PRKX: variants seen among roughly 807,000 people sequenced by gnomAD.
PRKX encodes the protein cAMP-dependent protein kinase catalytic subunit PRKX.
A neutral mutation model predicts 22.0 loss-of-function variants in PRKX; 12 were observed. That is an observed-to-expected ratio of 0.54 (90% confidence interval 0.35 to 0.88). The LOEUF is 0.88. PRKX is among the 40% of genes least tolerant of loss of function. The pLI is 0.01. For missense variants in PRKX, 217 were observed against 308.0 expected (o/e 0.70, Z 2.21); for synonymous variants, 134 against 137.7 (o/e 0.97, Z 0.19).
At chrX:3,665,807 A>T (rs1227044078) in intron 2 of PRKX, among the ~76,000 whole-genome samples, 2 of 110,412 alleles carry the variant, frequency 1.8e-5, no homozygotes, top group Non-Finnish European at 3.8e-5. Context: ...CACCAAATTC[A>T]TAGAGCAGAG....
At chrX:3,670,266 A>G (rs1401153322) in intron 2 of PRKX, 1 of 123,287 alleles carries the variant, frequency 8.1e-6, no homozygotes, top group Non-Finnish European at 1.9e-5. Flanking sequence ...GCTCCTCAGC[A>G]TGCAACGTTG....
intron 1 of PRKX, among the ~76,000 whole-genome samples, chrX:3,710,039 C>T (rs1928758110): frequency 9.1e-6 from 1 of 109,890 alleles, no homozygotes; most frequent in Non-Finnish European, 1.9e-5. Flanking sequence ...CCTCCCACCG[C>T]GACCTCCCAA....
intron 4 of PRKX, among the ~76,000 whole-genome samples, chrX:3,637,176 G>A (rs1422290475): frequency 2.7e-5 from 3 of 110,137 alleles, no homozygotes; most frequent in Non-Finnish European, 5.7e-5. Context: ...AAGGAAGCCA[G>A]CCTTTGGGCA....
intron 1 of PRKX, among the ~76,000 whole-genome samples, chrX:3,709,319 T>A (rs970983199): frequency 9.0e-6 from 1 of 111,219 alleles, no homozygotes; most frequent in Non-Finnish European, 1.9e-5. Context: ...GAAGGGTCCA[T>A]GAGACTCCAG....
intron 7 of PRKX, among the ~76,000 whole-genome samples, chrX:3,615,531 C>T (rs1192268391): frequency 9.0e-6 from 1 of 111,158 alleles, no homozygotes; most frequent in Non-Finnish European, 1.9e-5. Context: ...CTAAAATCTG[C>T]TTCAAAATCT....
chrX:3,682,466 C>A (rs933384238), intron 1 of PRKX, among the ~76,000 whole-genome samples: 1 of 110,748 alleles, frequency 9.0e-6, no homozygotes. Context: ...GTGGCTCACC[C>A]CTGTAATCCC....
chrX:3,697,629 C>T lies in PRKX; in HGVS notation c.166+15459G>A, dbSNP rs184057517. Among the ~76,000 whole-genome samples, 131 of 109,518 alleles carry T rather than the reference C, an allele frequency of 1.2e-3. 1 individual carries two copies. In the Middle Eastern group the frequency reaches 0.014, roughly 12 times the overall value. On this transcript the variant is annotated intron_variant, in intron 1 of 8. Transcript: ENST00000262848. ...GGTGTGATTATGGCTCACTGCAGTT[C>T]CAACTTCCAGGCTCAGGCGATCGTC...
chrX:3,648,633 T>TGTGTGTGTGTGCGC (rs1569049385), intron 3 of PRKX, among the ~76,000 whole-genome samples: 3 of 105,472 alleles, frequency 2.8e-5, no homozygotes, highest in African/African-American at 1.0e-4. Flanking sequence ...TGTGTGTGTG[T>TGTGTGTGTGTGCGC]GTGTGTGTGT....
chrX:3,610,417 G>C (rs1331699057), intron 8 of PRKX, among the ~76,000 whole-genome samples: 3 of 111,203 alleles, frequency 2.7e-5, no homozygotes, highest in Non-Finnish European at 5.7e-5. Flanking sequence ...AGGAGGCGGA[G>C]GTTGCAGTGA....
chrX:3,694,091 T>C (rs1357556388), intron 1 of PRKX, among the ~76,000 whole-genome samples: 1 of 106,395 alleles, frequency 9.4e-6, no homozygotes, highest in East Asian at 3.0e-4. Flanking sequence ...AAAAGAGTAA[T>C]AATAAAAAAT....
chrX:3,691,862 T>C (rs1278901550), intron 1 of PRKX, among the ~76,000 whole-genome samples: 1 of 109,413 alleles, frequency 9.1e-6, no homozygotes, highest in Non-Finnish European at 1.9e-5. Context: ...GATTGATTGA[T>C]TGAATGACTG....
At chrX:3,681,822 C>T (rs1468831205) in intron 1 of PRKX, among the ~76,000 whole-genome samples, 3 of 109,692 alleles carry the variant, frequency 2.7e-5, no homozygotes, top group Non-Finnish European at 5.7e-5. Flanking sequence ...ACCCTAAATC[C>T]CTCTTGCCTG....
chrX:3,698,967 C>CTTT (rs111433967), intron 1 of PRKX, among the ~76,000 whole-genome samples: 1 of 91,092 alleles, frequency 1.1e-5, no homozygotes, highest in African/African-American at 4.1e-5. Flanking sequence ...TTCCAAAATT[C>CTTT]TTTTTTTTTT....
intron 2 of PRKX, among the ~76,000 whole-genome samples, chrX:3,665,818 A>C (rs1266249387): frequency 9.1e-6 from 1 of 109,728 alleles, no homozygotes; most frequent in East Asian, 2.9e-4. Context: ...TAGAGCAGAG[A>C]GTACGAGGGA....
At chrX:3,654,736 C>T (rs745775072) in intron 3 of PRKX, among the ~76,000 whole-genome samples, 4 of 109,848 alleles carry the variant, frequency 3.6e-5, no homozygotes, top group African/African-American at 1.3e-4. Context: ...CCCACCTCGG[C>T]GTCCCAAAGT....
intron 1 of PRKX, among the ~76,000 whole-genome samples, chrX:3,686,810 G>A (rs1287267168): frequency 1.8e-5 from 2 of 111,081 alleles, no homozygotes; most frequent in Non-Finnish European, 3.8e-5. Flanking sequence ...CGCCCACCTC[G>A]CCTCCCAAAG....
intron 1 of PRKX, among the ~76,000 whole-genome samples, chrX:3,703,402 A>G (rs1371818206): frequency 8.9e-6 from 1 of 112,140 alleles, no homozygotes; most frequent in African/African-American, 3.2e-5. Flanking sequence ...AAATTCCTCC[A>G]TAGGAAACTC....
chrX:3,703,461 T>C (rs188456105), intron 1 of PRKX, among the ~76,000 whole-genome samples: 2,461 of 110,366 alleles, frequency 0.022, 61 homozygotes, highest in African/African-American at 0.076. Flanking sequence ...TGTGGTCTCC[T>C]TAGACCACAG....
At chrX:3,638,955 A>G (rs1926960164) in intron 4 of PRKX, among the ~76,000 whole-genome samples, 1 of 102,802 alleles carries the variant, frequency 9.7e-6, no homozygotes, top group African/African-American at 3.6e-5. Flanking sequence ...AGGTAGGCAG[A>G]TAAAAAGATC....
Sources: gnomAD v4.1 joint callset for allele counts (sites outside exome capture counted in the v4.1 genomes callset) on GRCh38, gnomAD v4.1.1 for gene constraint, MANE v1.5 for transcripts, NCBI Gene and HGNC (gene_info 2026-07-23, HGNC 2026-07-21) for gene names.